Variants in PDZD2 observed in about 807,000 individuals in gnomAD.
PDZD2 encodes the protein PDZ domain containing 2.
PDZD2 carries 90 observed loss-of-function variants against 220.7 expected under a neutral mutation model. The ratio of observed to expected loss-of-function variants is 0.41; its 90% CI spans 0.34 to 0.49. PDZD2 has a LOEUF of 0.49. PDZD2 is among the 20% of genes least tolerant of loss of function. PDZD2 has a pLI of 0.28. For synonymous variants in PDZD2, 1,375 were observed against 1,450.5 expected, an observed-to-expected ratio of 0.95 and a Z score of 1.18; for missense variants, 3,174 against 3,608.5, an observed-to-expected ratio of 0.88 and a Z score of 3.08.
chr5:31,789,186 G>A, intron 1 of PDZD2, among the ~76,000 whole-genome samples: 1 of 152,162 alleles, frequency 6.6e-6, no homozygotes, highest in Admixed American at 6.6e-5. Context: ...CATCACATAT[G>A]CATTCTAAGC....
intron 2 of PDZD2, among the ~76,000 whole-genome samples, chr5:31,816,387 A>T (rs73060327): frequency 0.029 from 4,418 of 152,080 alleles, 238 homozygotes; most frequent in African/African-American, 0.1. Flanking sequence ...AGTAGTTCCC[A>T]GTGGCCTCCC....
chr5:32,032,861 G>A (rs934151799), intron 6 of PDZD2, among the ~76,000 whole-genome samples: 4 of 152,134 alleles, frequency 2.6e-5, no homozygotes, highest in Non-Finnish European at 4.4e-5. Context: ...GTAGCTGGCC[G>A]GATTCTCAAC....
rs149139569 is a variant in PDZD2, at chr5:31,724,357, C to G, written c.-360-74532C>G. On this transcript the variant is annotated intron_variant, in intron 1 of 24. Coordinates refer to ENST00000438447, the MANE Select transcript of PDZD2 (RefSeq NM_178140.4). ...GTGGCTCACGCCTGTAATCCCAGCA[C>G]TTTGGGAGGCCGAGATGGGCGGATC... 6.5e-3 allele frequency among the ~76,000 whole-genome samples: 983 copies of G among 152,158 alleles called. 9 individuals are homozygous for G. The highest frequency in any genetic ancestry group is 0.023 in the African/African-American group (943 of 41,516).
chr5:31,665,217 T>A (rs1745936263), intron 1 of PDZD2: 1 of 111,396 alleles, frequency 9.0e-6, no homozygotes, highest in African/African-American at 3.1e-5. Flanking sequence ...TGAGCTTGAT[T>A]TCACCTCTCC....
Position 32,032,715 on chromosome 5 carries a change from C to T in PDZD2, c.1408-4516C>T, listed in dbSNP as rs144226870. ...TCAAAGGGAAATCAGGAGAAATCTG[C>T]CACCTTTAGTCAGAAACCTATGTTA... On this transcript the variant is annotated intron_variant, in intron 6 of 24. Transcript: ENST00000438447. 3.4e-3 allele frequency among the ~76,000 whole-genome samples: 514 copies of T among 152,332 alleles called. 3 individuals are homozygous for T. The highest frequency in any genetic ancestry group is 0.012 in the African/African-American group (486 of 41,570).
At chr5:31,710,030 A>G (rs902673951) in intron 1 of PDZD2, among the ~76,000 whole-genome samples, 1 of 152,236 alleles carries the variant, frequency 6.6e-6, no homozygotes, top group Non-Finnish European at 1.5e-5. Flanking sequence ...GAGTGTGCAC[A>G]GGGGAGCGGC....
At chr5:31,829,666 C>T (rs1036840847) in intron 2 of PDZD2, among the ~76,000 whole-genome samples, 1 of 152,046 alleles carries the variant, frequency 6.6e-6, no homozygotes, top group Non-Finnish European at 1.5e-5. Context: ...AGAAACAGAA[C>T]TTAACTAGTA....
At chr5:31,727,868 G>C (rs968679140) in intron 1 of PDZD2, among the ~76,000 whole-genome samples, 2 of 147,518 alleles carry the variant, frequency 1.4e-5, no homozygotes, top group Non-Finnish European at 1.5e-5. Context: ...GCCGGGTGTG[G>C]TGTGGGCCCC....
intron 2 of PDZD2, among the ~76,000 whole-genome samples, chr5:31,828,520 C>T (rs191484408): frequency 4.8e-4 from 73 of 152,246 alleles, no homozygotes; most frequent in African/African-American, 1.7e-3. Flanking sequence ...CAGGGTCTTC[C>T]GCTGCCACCC....
chr5:31,923,597 G>T, intron 2 of PDZD2: 2 of 761,286 alleles, frequency 2.6e-6, no homozygotes, highest in Non-Finnish European at 4.8e-6. Flanking sequence ...TGTGTGCTCT[G>T]GCTCGGATAA....
At chr5:31,999,818 T>C (rs909767620) in intron 4 of PDZD2, among the ~76,000 whole-genome samples, 1 of 152,158 alleles carries the variant, frequency 6.6e-6, no homozygotes, top group Non-Finnish European at 1.5e-5. Flanking sequence ...GACTCGACTC[T>C]CCTCAAACCT....
At chr5:31,663,778 TG>T (rs1745871762) in intron 1 of PDZD2, among the ~76,000 whole-genome samples, 1 of 152,250 alleles carries the variant, frequency 6.6e-6, no homozygotes, top group East Asian at 1.9e-4. Context: ...GGATGGTCAC[TG>T]CTGTCGTATG....
chr5:32,102,480 T>G (rs1744344473), intron 24 of PDZD2, among the ~76,000 whole-genome samples: 1 of 151,012 alleles, frequency 6.6e-6, no homozygotes, highest in Non-Finnish European at 1.5e-5. Context: ...AAGACAGGCA[T>G]AAATCAGGAG....
chr5:31,721,595 C>T (rs898017852), intron 1 of PDZD2, among the ~76,000 whole-genome samples: 2 of 147,446 alleles, frequency 1.4e-5, no homozygotes, highest in African/African-American at 2.5e-5. Flanking sequence ...ACGTACAAGT[C>T]GCTCCATAAC....
chr5:31,788,427 A>C (rs1244830703), intron 1 of PDZD2, among the ~76,000 whole-genome samples: 2 of 152,128 alleles, frequency 1.3e-5, no homozygotes, highest in Non-Finnish European at 2.9e-5. Flanking sequence ...GCACTTTGGG[A>C]GGCCAAGGCG....
intron 2 of PDZD2, among the ~76,000 whole-genome samples, chr5:31,881,115 G>C (rs959912533): frequency 3.3e-5 from 5 of 151,782 alleles, no homozygotes; most frequent in Non-Finnish European, 7.4e-5. Flanking sequence ...GTAGCTTTCT[G>C]GCTATGGTTT....
intron 2 of PDZD2, among the ~76,000 whole-genome samples, chr5:31,873,611 G>A (rs1278981062): frequency 6.6e-6 from 1 of 151,700 alleles, no homozygotes; most frequent in Non-Finnish European, 1.5e-5. Context: ...ATGTTGCCCA[G>A]GCTGGTTTCA....
chr5:32,079,269 C>CA (rs796887034), intron 19 of PDZD2, among the ~76,000 whole-genome samples: 1,140 of 82,708 alleles, frequency 0.014, 16 homozygotes, highest in African/African-American at 0.054. Flanking sequence ...AAAAAAAAAA[C>CA]AAAAAAAAAA....
chr5:31,960,974 G>A (rs1189537054), intron 2 of PDZD2, among the ~76,000 whole-genome samples: 1 of 152,114 alleles, frequency 6.6e-6, no homozygotes, highest in African/African-American at 2.4e-5. Flanking sequence ...TACCAGCACT[G>A]AGCCCAATGC....
Sources: allele counts gnomAD v4.1 joint callset (sites outside exome capture counted in the v4.1 genomes callset), GRCh38; gene constraint gnomAD v4.1.1; transcripts MANE v1.5; gene names NCBI Gene and HGNC (gene_info 2026-07-23, HGNC 2026-07-21).